The following SDCCAG8 variants were observed in gnomAD, a reference collection of about 807,000 sequenced individuals.
SDCCAG8 encodes the protein serologically defined colon cancer antigen 8.
A neutral mutation model predicts 101.8 loss-of-function variants in SDCCAG8; 74 were observed. The ratio of observed to expected loss-of-function variants is 0.73; its 90% CI spans 0.60 to 0.88. The LOEUF is 0.88. Ranked by LOEUF, SDCCAG8 falls within the 40% of genes least tolerant of loss-of-function variation. The pLI is 0.00. For synonymous variants in SDCCAG8, 281 were observed against 292.9 expected (o/e 0.96, Z 0.41); for missense variants, 787 against 822.6 (o/e 0.96, Z 0.53).
chr1:243,318,682 C>T (rs564703387), intron 9 of SDCCAG8, among the ~76,000 whole-genome samples: 8 of 152,150 alleles, frequency 5.3e-5, no homozygotes, highest in Non-Finnish European at 7.3e-5. Context: ...TCCTCAGACT[C>T]TCCTGTTTCT....
At chr1:243,405,401 G>T (rs1238092976) in intron 13 of SDCCAG8, among the ~76,000 whole-genome samples, 1 of 152,086 alleles carries the variant, frequency 6.6e-6, no homozygotes, top group Non-Finnish European at 1.5e-5. Flanking sequence ...ATTATAAGAA[G>T]ACCAGTATGC....
At chr1:243,407,878 C>T (rs2079894735) in intron 13 of SDCCAG8, among the ~76,000 whole-genome samples, 1 of 152,110 alleles carries the variant, frequency 6.6e-6, no homozygotes, top group African/African-American at 2.4e-5. Flanking sequence ...AGTAGAGATT[C>T]CAGAATCTCA....
intron 12 of SDCCAG8, among the ~76,000 whole-genome samples, chr1:243,365,464 A>C (rs1218437659): frequency 6.6e-6 from 1 of 152,154 alleles, no homozygotes; most frequent in Non-Finnish European, 1.5e-5. Flanking sequence ...AATAAGCCAA[A>C]AGTTTCATTT....
chr1:243,304,029 C>T (rs553233654), intron 6 of SDCCAG8, among the ~76,000 whole-genome samples: 13 of 152,008 alleles, frequency 8.6e-5, no homozygotes, highest in East Asian at 1.9e-4. Context: ...GCTGAGATTG[C>T]GCCACTGCAC....
At chr1:243,433,326 T>A (rs2081921768) in intron 16 of SDCCAG8, among the ~76,000 whole-genome samples, 1 of 139,398 alleles carries the variant, frequency 7.2e-6, no homozygotes, top group South Asian at 2.3e-4. Flanking sequence ...CACTCCAGCC[T>A]GGGCAACAGA....
At chr1:243,377,830 C>CTTTTTTTTTT (rs34783752) in intron 12 of SDCCAG8, among the ~76,000 whole-genome samples, 1 of 144,960 alleles carries the variant, frequency 6.9e-6, no homozygotes. Flanking sequence ...TCTGCCCTTT[C>CTTTTTTTTTT]TTTTTTTTTT....
At chr1:243,259,375 C>G (rs1003479273) in intron 1 of SDCCAG8, among the ~76,000 whole-genome samples, 7 of 151,944 alleles carry the variant, frequency 4.6e-5, no homozygotes, top group African/African-American at 7.3e-5. Flanking sequence ...CCACTGCACT[C>G]CAGCCTGGGC....
At chr1:243,318,452 GT>G in intron 9 of SDCCAG8, 1 of 474,482 alleles carries the variant, frequency 2.1e-6, no homozygotes, top group Non-Finnish European at 2.8e-6. Context: ...ACAAAACCCC[GT>G]GACATGAGTT....
At chr1:243,296,784 C>T (rs2070965977) in intron 6 of SDCCAG8, among the ~76,000 whole-genome samples, 2 of 151,756 alleles carry the variant, frequency 1.3e-5, no homozygotes, top group Admixed American at 1.3e-4. Flanking sequence ...CCGCCCGCCT[C>T]GGCCTCCCAA....
chr1:243,471,706 G>C (rs1661310181), intron 16 of SDCCAG8, among the ~76,000 whole-genome samples: 1 of 152,076 alleles, frequency 6.6e-6, no homozygotes, highest in South Asian at 2.1e-4. Flanking sequence ...AGTTAACTGG[G>C]AGTTTTACGT....
At chr1:243,446,619 T>C (rs1040031484) in intron 16 of SDCCAG8, among the ~76,000 whole-genome samples, 2 of 152,194 alleles carry the variant, frequency 1.3e-5, no homozygotes, top group Non-Finnish European at 2.9e-5. Context: ...GGGAACTTTA[T>C]CTGTTTCCTT....
At chr1:243,452,271 A>G (rs1221262698) in intron 16 of SDCCAG8, among the ~76,000 whole-genome samples, 2 of 152,178 alleles carry the variant, frequency 1.3e-5, no homozygotes, top group East Asian at 3.9e-4. Context: ...GGAAATGCAA[A>G]CAGTAACAGG....
intron 9 of SDCCAG8, among the ~76,000 whole-genome samples, chr1:243,324,795 T>C (rs1264389933): frequency 2.6e-5 from 4 of 152,202 alleles, no homozygotes; most frequent in Non-Finnish European, 4.4e-5. Flanking sequence ...TGCAGTAGAA[T>C]AAAAGACAAA....
intron 14 of SDCCAG8, among the ~76,000 whole-genome samples, chr1:243,417,090 G>A (rs1487641634): frequency 6.6e-6 from 1 of 152,186 alleles, no homozygotes; most frequent in African/African-American, 2.4e-5. Flanking sequence ...AGAGGCAAAT[G>A]TCATATTGAC....
intron 12 of SDCCAG8, among the ~76,000 whole-genome samples, chr1:243,368,142 G>A (rs1203850274): frequency 6.6e-6 from 1 of 151,872 alleles, no homozygotes; most frequent in South Asian, 2.1e-4. Flanking sequence ...CTTGAGCCGG[G>A]GAGGTTAAGG....
intron 12 of SDCCAG8, among the ~76,000 whole-genome samples, chr1:243,364,057 CTAAGAACTCCCCA>C (rs1471314256): frequency 6.6e-6 from 1 of 152,092 alleles, no homozygotes; most frequent in Non-Finnish European, 1.5e-5. Context: ...AGTGAGTTTT[CTAAGAACTCCCCA>C]TAAGGTGAGA....
chr1:243,346,674 TTCTTTATATTGTG>T (rs1190696348), intron 12 of SDCCAG8, among the ~76,000 whole-genome samples: 1 of 152,226 alleles, frequency 6.6e-6, no homozygotes, highest in African/African-American at 2.4e-5. Flanking sequence ...TCTTCTTTTC[TTCTTTATATTGTG>T]TCAGGAACCG....
intron 6 of SDCCAG8, among the ~76,000 whole-genome samples, chr1:243,303,635 A>G (rs2071773088): frequency 6.6e-6 from 1 of 152,136 alleles, no homozygotes; most frequent in Non-Finnish European, 1.5e-5. Flanking sequence ...TCCTAATAAC[A>G]TTATCTTTTC....
At chr1:243,259,133 G>A (rs1212853950) in intron 1 of SDCCAG8, among the ~76,000 whole-genome samples, 1 of 152,192 alleles carries the variant, frequency 6.6e-6, no homozygotes, top group Non-Finnish European at 1.5e-5. Flanking sequence ...GGGCGTGGTG[G>A]CTCACGCCTG....
Sources: allele counts gnomAD v4.1 joint callset (sites outside exome capture counted in the v4.1 genomes callset), GRCh38; gene constraint gnomAD v4.1.1; transcripts MANE v1.5; gene names NCBI Gene and HGNC (gene_info 2026-07-23, HGNC 2026-07-21).